The following CDH12 variants were observed in gnomAD, a reference collection of about 807,000 sequenced individuals.
The protein encoded by CDH12 is cadherin-12.
In CDH12, 41 loss-of-function variants were observed where a neutral mutation model predicts 74.1. The observed-to-expected ratio is 0.55, with a 90% CI of 0.43 to 0.72. The LOEUF is 0.72. Ranked by LOEUF, CDH12 falls within the 30% of genes least tolerant of loss-of-function variation. The pLI is 0.00. For synonymous variants in CDH12, 399 were observed against 355.0 expected, an observed-to-expected ratio of 1.12 and a Z score of -1.39; for missense variants, 945 against 977.2, an observed-to-expected ratio of 0.97 and a Z score of 0.44.
At chr5:21,821,914 T>A (rs182742025) in intron 8 of CDH12, among the ~76,000 whole-genome samples, 10 of 152,104 alleles carry the variant, frequency 6.6e-5, no homozygotes, top group South Asian at 2.1e-4. Context: ...TTTATTTTTT[T>A]AAATTTCTTA....
intron 1 of CDH12, among the ~76,000 whole-genome samples, chr5:22,732,042 T>C (rs1744454329): frequency 6.6e-6 from 1 of 151,840 alleles, no homozygotes; most frequent in African/African-American, 2.4e-5. Context: ...GAAGTCTTCT[T>C]CTGTTTGCTA....
chr5:22,577,888 A>G (rs1265859456), intron 1 of CDH12, among the ~76,000 whole-genome samples: 2 of 152,342 alleles, frequency 1.3e-5, no homozygotes, highest in Middle Eastern at 3.4e-3. Context: ...TCTAAAAGGA[A>G]CAACTAACAT....
chr5:22,027,413 G>A (rs1738441585), intron 5 of CDH12, among the ~76,000 whole-genome samples: 1 of 152,170 alleles, frequency 6.6e-6, no homozygotes, highest in Admixed American at 6.6e-5. Flanking sequence ...TTGTACCTCT[G>A]GTAGAATTCG....
At chr5:22,111,810 A>G (rs2150261319) in intron 4 of CDH12, among the ~76,000 whole-genome samples, 1 of 152,318 alleles carries the variant, frequency 6.6e-6, no homozygotes. Flanking sequence ...AAAGCCATCA[A>G]ATATATTTGA....
chr5:21,926,858 T>C (rs1427389277), intron 6 of CDH12, among the ~76,000 whole-genome samples: 3 of 152,200 alleles, frequency 2.0e-5, no homozygotes, highest in Admixed American at 6.5e-5. Context: ...CTGGTTGCTG[T>C]TGTTTTCACT....
At chr5:22,592,036 T>C (rs1362608753) in intron 1 of CDH12, among the ~76,000 whole-genome samples, 1 of 152,190 alleles carries the variant, frequency 6.6e-6, no homozygotes, top group Non-Finnish European at 1.5e-5. Flanking sequence ...TGTTTTACCA[T>C]AGTCATGCAG....
intron 5 of CDH12, among the ~76,000 whole-genome samples, chr5:21,983,721 T>C (rs887132031): frequency 9.2e-5 from 14 of 152,176 alleles, no homozygotes; most frequent in Admixed American, 9.2e-4. Flanking sequence ...ACATCTTCAA[T>C]GTATCATATA....
intron 6 of CDH12, among the ~76,000 whole-genome samples, chr5:21,946,163 G>A (rs1755568429): frequency 6.6e-6 from 1 of 152,040 alleles, no homozygotes; most frequent in African/African-American, 2.4e-5. Flanking sequence ...TCAATACCCA[G>A]CAATAATATT....
chr5:22,341,144 T>C (rs186703859), intron 3 of CDH12, among the ~76,000 whole-genome samples: 31 of 152,332 alleles, frequency 2.0e-4, no homozygotes, highest in East Asian at 7.7e-4. Flanking sequence ...TTCTCAATTA[T>C]CAGGAATCCT....
At chr5:22,539,728 C>T (rs1178223398) in intron 1 of CDH12, among the ~76,000 whole-genome samples, 1 of 152,142 alleles carries the variant, frequency 6.6e-6, no homozygotes, top group Non-Finnish European at 1.5e-5. Flanking sequence ...TATAAAAGTA[C>T]GTGAGAGTGA....
At chr5:22,384,352 G>C (rs1561362659) in intron 3 of CDH12, among the ~76,000 whole-genome samples, 1 of 150,444 alleles carries the variant, frequency 6.6e-6, no homozygotes, top group African/African-American at 2.4e-5. Flanking sequence ...GTGAAACCCC[G>C]TCTCTACTAA....
At chr5:22,325,193 C>A (rs894471347) in intron 3 of CDH12, among the ~76,000 whole-genome samples, 1 of 152,078 alleles carries the variant, frequency 6.6e-6, no homozygotes, top group Non-Finnish European at 1.5e-5. Context: ...TACTTATATA[C>A]AAATGATGTT....
At chr5:22,750,699 A>T (rs1745521386) in intron 1 of CDH12, among the ~76,000 whole-genome samples, 1 of 152,154 alleles carries the variant, frequency 6.6e-6, no homozygotes, top group Admixed American at 6.5e-5. Context: ...TGACACAGTT[A>T]AATGGAGAAT....
intron 4 of CDH12, among the ~76,000 whole-genome samples, chr5:22,147,834 A>G (rs1310547840): frequency 6.6e-6 from 1 of 152,106 alleles, no homozygotes; most frequent in Non-Finnish European, 1.5e-5. Context: ...CCCTCCCACA[A>G]GATGTGGAAT....
intron 1 of CDH12, among the ~76,000 whole-genome samples, chr5:22,520,019 T>A (rs1736982425): frequency 6.6e-6 from 1 of 152,116 alleles, no homozygotes; most frequent in Admixed American, 6.5e-5. Flanking sequence ...TAAAATTTAC[T>A]CTATGATGAG....
intron 1 of CDH12, among the ~76,000 whole-genome samples, chr5:22,819,830 T>A (rs1749579393): frequency 6.7e-6 from 1 of 150,372 alleles, no homozygotes; most frequent in Admixed American, 6.7e-5. Flanking sequence ...GATACTTAAA[T>A]ATATATTTAT....
chr5:22,689,897 T>C (rs531865795), intron 1 of CDH12, among the ~76,000 whole-genome samples: 51 of 152,194 alleles, frequency 3.4e-4, no homozygotes, highest in South Asian at 6.2e-4. Flanking sequence ...TGTGAAATTC[T>C]ATAATTTAGC....
chr5:22,449,102 G>C (rs1744944049), intron 2 of CDH12, among the ~76,000 whole-genome samples: 1 of 151,786 alleles, frequency 6.6e-6, no homozygotes, highest in South Asian at 2.1e-4. Context: ...TAATTGCTTT[G>C]TTAATTTTTT....
chr5:21,953,485 G>GT (rs1180073360), intron 6 of CDH12, among the ~76,000 whole-genome samples: 1 of 152,130 alleles, frequency 6.6e-6, no homozygotes, highest in Admixed American at 6.6e-5. Context: ...GACAGAATTT[G>GT]TTTTTTGTGT....
Sources: allele counts gnomAD v4.1 joint callset (sites outside exome capture counted in the v4.1 genomes callset), GRCh38; gene constraint gnomAD v4.1.1; transcripts MANE v1.5; gene names NCBI Gene and HGNC (gene_info 2026-07-23, HGNC 2026-07-21).